RNF144A: variants seen among roughly 807,000 people sequenced by gnomAD.
RNF144A encodes the protein E3 ubiquitin-protein ligase RNF144A.
Under a neutral mutation model 38.7 loss-of-function variants are expected in RNF144A, and 11 were observed. That is an observed-to-expected ratio of 0.28 (90% CI 0.18 to 0.47). The LOEUF (loss-of-function observed/expected upper bound fraction) is 0.47. Among genes scored for constraint, RNF144A ranks in the 20% least tolerant of loss-of-function variants. The probability of loss-of-function intolerance (pLI) is 0.99; values close to 1 mark genes in which losing one functional copy is unlikely to be tolerated. For synonymous variants in RNF144A, 149 were observed against 143.9 expected (o/e 1.04, Z -0.25); for missense variants, 316 against 377.2 (o/e 0.84, Z 1.34).
rs1485505643 is a variant in RNF144A at position 6,943,212 on chromosome 2, C to T, written c.-12+2065C>T. ...GAAGAGAGGAGTTGTAAGGACTGGG[C>T]CCTGGGGCATTCTAGCTTCATGAGG... On this transcript the variant is annotated intron_variant, in intron 2 of 8. Coordinates refer to ENST00000320892, the MANE Select transcript of RNF144A (RefSeq NM_014746.6). The surrounding 1 kb of genome is among the most constrained non-coding windows in gnomAD (Gnocchi z 4.3). Among the ~76,000 whole-genome samples the T allele has an allele frequency of 1.3e-5, 2 of 152,152 alleles. No homozygotes were observed. The highest frequency in any genetic ancestry group is 4.8e-5 in the African/African-American group (2 of 41,442).
chr2:7,039,907 AG>A lies in RNF144A; in HGVS notation c.*150del. ...GTGTCAGGCTGGACGCCGTGATTTC[AG>A]GGACCTATGTCACAATGTTCGCTGA... On this transcript the variant is annotated 3_prime_UTR_variant, in exon 9 of 9. Transcript: ENST00000320892. 6.9e-7 allele frequency: 1 copy of A among 1,442,170 alleles called. No individual in the cohort carries two copies. Among genetic ancestry groups the A allele is most frequent in the Non-Finnish European group, 9.1e-7 (1 of 1,098,292 alleles). 89.3% of individuals were successfully genotyped at this position (1,442,170 alleles called of 1,614,324 possible). A position where few individuals can be genotyped will look rare whatever the true frequency, so the allele number is the denominator to read the frequency against.
intron 2 of RNF144A, among the ~76,000 whole-genome samples, chr2:6,988,415 A>G (rs1344508011): frequency 1.3e-5 from 2 of 152,162 alleles, no homozygotes; most frequent in Admixed American, 1.3e-4. Context: ...AGTCCTCTCC[A>G]CTGGGACAGT....
In RNF144A at chr2:7,042,659, G is replaced by A; in HGVS notation, c.*2899G>A. On this transcript the variant is annotated 3_prime_UTR_variant, in exon 9 of 9. Transcript: ENST00000320892. ...GTCTGGCTCTGCTGTGTAGTCCATAGCCCAGCCAGATGAGCTTGCAGCCTC... is the reference window on the plus strand; with the variant it reads ...GTCTGGCTCTGCTGTGTAGTCCATAACCCAGCCAGATGAGCTTGCAGCCTC... 1.0e-6 allele frequency: 1 copy of A among 985,470 alleles called. No individual in the cohort carries two copies. The highest frequency in any genetic ancestry group is 1.2e-6 in the Non-Finnish European group (1 of 829,968). 61.0% of individuals were successfully genotyped at this position (985,470 alleles called of 1,614,324 possible).
intron 2 of RNF144A, among the ~76,000 whole-genome samples, chr2:6,978,453 G>T (rs115873426): frequency 3.5e-4 from 53 of 152,128 alleles, no homozygotes; most frequent in Admixed American, 3.5e-3. Context: ...CCTTATAAAG[G>T]TTCCAGGGGT....
chr2:6,983,915 A>G (rs1394806009), intron 2 of RNF144A, among the ~76,000 whole-genome samples: 2 of 152,154 alleles, frequency 1.3e-5, no homozygotes. Context: ...CGATCTTGAA[A>G]CTGCACATTC....
intron 2 of RNF144A, among the ~76,000 whole-genome samples, chr2:6,959,614 CAG>C: frequency 6.6e-6 from 1 of 152,124 alleles, no homozygotes; most frequent in Non-Finnish European, 1.5e-5. Flanking sequence ...GAAGGCATCA[CAG>C]GATGAGGGGC....
At chr2:7,046,934 G>C (rs1673331069), downstream of RNF144A, among the ~76,000 whole-genome samples, 1 of 152,120 alleles carries the variant, frequency 6.6e-6, no homozygotes, top group South Asian at 2.1e-4. Flanking sequence ...GAGTACATGT[G>C]ATGTGTTTTT....
downstream of RNF144A, among the ~76,000 whole-genome samples, chr2:7,071,511 T>C (rs1309691576): frequency 1.3e-5 from 2 of 152,232 alleles, no homozygotes; most frequent in African/African-American, 2.4e-5. Context: ...GCCTGAGTTA[T>C]TTACATTTGG....
chr2:7,055,663 A>T (rs143435630), intron 6 of RNF144A, among the ~76,000 whole-genome samples: 2 of 152,348 alleles, frequency 1.3e-5, no homozygotes, highest in East Asian at 3.9e-4. Context: ...AAACCCCAGC[A>T]GGTACCATTT....
At chr2:6,948,313 C>T (rs558946858) in intron 2 of RNF144A, among the ~76,000 whole-genome samples, 1 of 152,246 alleles carries the variant, frequency 6.6e-6, no homozygotes, top group Non-Finnish European at 1.5e-5. Flanking sequence ...TTTTTATTCT[C>T]AAGCTCCTGG....
chr2:7,066,579 G>T (rs1558473120), intron 6 of RNF144A, among the ~76,000 whole-genome samples: 1 of 152,164 alleles, frequency 6.6e-6, no homozygotes, highest in East Asian at 1.9e-4. Context: ...TGTTTTCCTT[G>T]TAACAGTACA....
In RNF144A at chr2:6,987,313, C is replaced by G. The variant is rs557835941; in HGVS notation, c.-11-9603C>G. Reference sequence around the variant, plus strand: ...AGGAAGGAGGCGTCTCGGGGCCACACCCGGGGCAGTGTTGGATGCTTCTCT... The same window carrying G: ...AGGAAGGAGGCGTCTCGGGGCCACAGCCGGGGCAGTGTTGGATGCTTCTCT... On this transcript the variant is annotated intron_variant, in intron 2 of 8. Transcript: ENST00000320892. Among the ~76,000 whole-genome samples, 4 of 152,286 alleles carry G rather than the reference C, an allele frequency of 2.6e-5. No homozygotes were observed. The South Asian group carries it at 8.3e-4, about 32-fold the overall frequency.
At chr2:6,964,376 T>G (rs1358145384) in intron 2 of RNF144A, among the ~76,000 whole-genome samples, 1 of 152,164 alleles carries the variant, frequency 6.6e-6, no homozygotes, top group Admixed American at 6.5e-5. Flanking sequence ...TTGGTGGGAC[T>G]GTAAATTAGT....
chr2:7,007,674 G>A (rs1043391668), intron 3 of RNF144A, among the ~76,000 whole-genome samples: 8 of 152,174 alleles, frequency 5.3e-5, no homozygotes, highest in African/African-American at 1.7e-4. Context: ...GTCCCTGCCT[G>A]TTCCTGCCTC....
intron 2 of RNF144A, among the ~76,000 whole-genome samples, chr2:6,957,594 C>T (rs1459541131): frequency 6.6e-6 from 1 of 152,112 alleles, no homozygotes. Context: ...CATGGTTTAT[C>T]TCTATTTCCT....
In RNF144A at chr2:7,041,456, C is replaced by G; in HGVS notation, c.*1696C>G. 2 of 985,894 alleles carry G rather than the reference C, an allele frequency of 2.0e-6. No individual in the cohort carries two copies. The highest frequency in any genetic ancestry group is 2.4e-6 in the Non-Finnish European group (2 of 829,920). The allele number at this position is 985,894 out of a possible 1,614,324, so 61.1% of individuals were successfully genotyped here. ...GTGTCAAAATTACATTCAAAAAGCT[C>G]TCCTTGTAATTGCAAGTTTAGTAAC... On this transcript the variant is annotated 3_prime_UTR_variant, in exon 9 of 9. Transcript: ENST00000320892.
At chr2:6,967,220 A>G (rs1388651554) in intron 2 of RNF144A, among the ~76,000 whole-genome samples, 3 of 152,232 alleles carry the variant, frequency 2.0e-5, no homozygotes, top group Non-Finnish European at 4.4e-5. Flanking sequence ...ATCACTATGC[A>G]TGTAGGTCAT....
intron 3 of RNF144A, 127 bp downstream of exon 3, chr2:6,997,188 C>A: frequency 2.6e-6 from 2 of 778,472 alleles, no homozygotes; most frequent in Non-Finnish European, 4.2e-6. Context: ...CTTGTTGAGG[C>A]CTTCACACAG....
chr2:6,962,122 A>T lies in RNF144A; in HGVS notation c.-12+20975A>T, dbSNP rs546223733. Among the ~76,000 whole-genome samples, 1 of 152,282 alleles carries T rather than the reference A, an allele frequency of 6.6e-6. No homozygotes were observed. The highest frequency in any genetic ancestry group is 2.4e-5 in the African/African-American group (1 of 41,556). Reference sequence around the variant, plus strand: ...TCCACGGTGAAATGCAGGGGGTTTTATAGATAAGCTGGTGGGGAATGATAC... The same window carrying T: ...TCCACGGTGAAATGCAGGGGGTTTTTTAGATAAGCTGGTGGGGAATGATAC... On this transcript the variant is annotated intron_variant, in intron 2 of 8. Transcript: ENST00000320892. This position sits in a 1 kb window ranked among gnomAD's most constrained non-coding sequence, Gnocchi z 4.1.
Sources: allele counts gnomAD v4.1 joint callset (sites outside exome capture counted in the v4.1 genomes callset), GRCh38; gene constraint gnomAD v4.1.1; non-coding constraint Gnocchi (gnomAD v3.1); transcripts MANE v1.5; gene names NCBI Gene and HGNC (gene_info 2026-07-23, HGNC 2026-07-21).